Variants in LRRK2 observed in about 807,000 individuals in gnomAD.
LRRK2 encodes leucine-rich repeat serine/threonine-protein kinase 2.
LRRK2 carries 203 observed loss-of-function variants against 302.6 expected under a neutral mutation model. That is an observed-to-expected ratio of 0.67 (90% confidence interval 0.60 to 0.75). The LOEUF is 0.75. Ranked by LOEUF, LRRK2 falls within the 30% of genes least tolerant of loss-of-function variation. LRRK2 has a pLI of 0.00. For synonymous variants in LRRK2, 1,066 were observed against 1,031.9 expected (o/e 1.03, Z -0.63); for missense variants, 2,830 against 2,951.0 (o/e 0.96, Z 0.95).
chr12:40,274,724 C>T lies in LRRK2; in HGVS notation c.1798C>T (p.Gln600Ter). The T allele has an allele frequency of 3.1e-6, 5 of 1,613,942 alleles. No homozygotes were observed. The highest frequency in any genetic ancestry group is 4.2e-6 in the Non-Finnish European group (5 of 1,179,932). The change falls in exon 15 of 51, where the codon CAA (glutamine) becomes TAA (stop). Residue 600 changes from glutamine to a stop codon, truncating the protein, a stop_gained. Coordinates refer to ENST00000298910, the MANE Select transcript of LRRK2 (RefSeq NM_198578.4). LOFTEE classifies it high-confidence loss of function. ...CACACTGCAGATGTATCCAGATGAC[C>T]AAGGTCAGTACAATTTGAATTCAGG... ...LHTLQMYPDD[Q>*]EIQCLGLSLI... is the part of the protein sequence containing the mutation.
chr12:40,257,383 A>G lies in LRRK2; in HGVS notation c.1418+6A>G. 1 of 1,611,954 alleles carries G rather than the reference A, an allele frequency of 6.2e-7. No homozygotes were observed. The highest frequency in any genetic ancestry group is 8.5e-7 in the Non-Finnish European group (1 of 1,178,484). ...AATCATCTTTTTGAAGGAAGGTAATATAGATTCATTAACTTGTACAGAATA... is the reference window on the plus strand; with the variant it reads ...AATCATCTTTTTGAAGGAAGGTAATGTAGATTCATTAACTTGTACAGAATA... On this transcript the variant is annotated splice_donor_region_variant and intron_variant, in intron 12 of 50. Transcript: ENST00000298910.
chr12:40,301,885 A>G (rs1419928208), intron 25 of LRRK2, among the ~76,000 whole-genome samples: 2 of 152,052 alleles, frequency 1.3e-5, no homozygotes, highest in Non-Finnish European at 2.9e-5. Flanking sequence ...CTTCTTAACA[A>G]TTCATAAAGT....
At chr12:40,256,714 AC>A (rs774102595) in intron 11 of LRRK2, among the ~76,000 whole-genome samples, 44 of 152,342 alleles carry the variant, frequency 2.9e-4, no homozygotes, top group South Asian at 1.7e-3. Context: ...GCTGAAAGCA[AC>A]CAAGCCTTTT....
rs775957888 is a variant in LRRK2 at position 40,304,049 on chromosome 12, A to G, written c.3692A>G (p.Gln1231Arg). Residue 1231 changes from glutamine to arginine, a missense_variant, in exon 27 of 51, where the codon CAG (glutamine) becomes CGG (arginine). Physicochemically the swap from Gln to Arg is conservative, Grantham distance 43 (BLOSUM62 1). Transcript: ENST00000298910. ...NLRELLFSHNQISILDLSEKA... is the reference protein window; with the variant it reads ...NLRELLFSHNRISILDLSEKA... ...AGGGAACTCTTATTTAGCCATAATC[A>G]GATCAGCATCTTGGACTTGAGTGAA... The G allele has an allele frequency of 6.2e-7, 1 of 1,613,748 alleles. No individual in the cohort carries two copies. Among genetic ancestry groups the G allele is most frequent in the Non-Finnish European group, 8.5e-7 (1 of 1,179,730 alleles).
chr12:40,315,331 G>T (rs201111536), intron 33 of LRRK2, 31 bp downstream of exon 33: 15 of 1,549,542 alleles, frequency 9.7e-6, no homozygotes, highest in Non-Finnish European at 7.1e-6. Context: ...TGGCACGGGG[G>T]TTATGGTCAA....
intron 5 of LRRK2, among the ~76,000 whole-genome samples, chr12:40,239,909 T>C (rs1941652123): frequency 6.6e-6 from 1 of 152,172 alleles, no homozygotes; most frequent in African/African-American, 2.4e-5. Flanking sequence ...TGTTGCCCAA[T>C]AACAATGACT....
At position 40,226,595 on chromosome 12, in the gene LRRK2, G is replaced by A. The variant is rs17490620; in HGVS notation, c.237+955G>A. On this transcript the variant is annotated intron_variant, in intron 2 of 50. Coordinates refer to ENST00000298910, the MANE Select transcript of LRRK2 (RefSeq NM_198578.4). The stretch of plus-strand genomic sequence containing the variant: ...GTATCTAGTCTGGGTGAACCATCTA[G>A]CTTCTTTGATATGAGGACATTTACA... 3.4e-3 allele frequency among the ~76,000 whole-genome samples: 519 copies of A among 152,204 alleles called. 1 individual carries two copies. Among genetic ancestry groups the A allele is most frequent in the African/African-American group, 0.012 (497 of 41,520 alleles).
intron 14 of LRRK2, among the ~76,000 whole-genome samples, chr12:40,264,768 C>T (rs191679181): frequency 2.0e-5 from 3 of 152,244 alleles, no homozygotes; most frequent in African/African-American, 7.2e-5. Flanking sequence ...CATGTTCCTA[C>T]ATTATAATTA....
rs1945616676 is a variant in LRRK2 at position 40,328,442 on chromosome 12, A to T, written c.5739A>T (p.Ser1913=). 6.2e-7 allele frequency: 1 copy of T among 1,611,608 alleles called. No individual in the cohort carries two copies. Among genetic ancestry groups the T allele is most frequent in the Admixed American group, 1.7e-5 (1 of 60,012 alleles). ...TGAAGATTTTTAATAAACATACATC[A>T]CTCAGGCTGTTAAGACAAGTAAGAA... ...VAVKIFNKHT[S]LRLLRQELVV... Residue 1913 remains serine, a synonymous_variant, in exon 39 of 51, where the codon TCA becomes TCT. Coordinates refer to ENST00000298910, the MANE Select transcript of LRRK2 (RefSeq NM_198578.4).
chr12:40,357,432 G>A (rs75567215), intron 46 of LRRK2, among the ~76,000 whole-genome samples: 2,819 of 152,160 alleles, frequency 0.019, 82 homozygotes, highest in African/African-American at 0.065. Context: ...TTGATATACT[G>A]ATTCCCTTTC....
intron 47 of LRRK2, among the ~76,000 whole-genome samples, chr12:40,360,201 AT>A (rs1946662202): frequency 6.6e-6 from 1 of 152,124 alleles, no homozygotes; most frequent in Non-Finnish European, 1.5e-5. Context: ...TCAAAGAGAT[AT>A]TTGGAGGAGT....
intron 14 of LRRK2, among the ~76,000 whole-genome samples, chr12:40,266,702 C>T (rs1041271197): frequency 6.6e-6 from 1 of 152,082 alleles, no homozygotes; most frequent in Non-Finnish European, 1.5e-5. Flanking sequence ...CACTTGCACA[C>T]CTATGTTTAT....
rs113119253 is a variant in LRRK2, at chr12:40,282,009, G to C, written c.2242-1866G>C. 6.5e-3 allele frequency among the ~76,000 whole-genome samples: 287 copies of C among 44,496 alleles called. 8 individuals are homozygous for C. Among genetic ancestry groups the C allele is most frequent in the African/African-American group, 0.022 (228 of 10,166 alleles). The allele number at this position is 44,496 out of a possible 152,430, so 29.2% of individuals were successfully genotyped here. ...TTTGTGAGTTTTTCCCTCCCTCCCCGCTTCCCTTCCCTTCCCTTCCCTTCC... is the reference window on the plus strand; with the variant it reads ...TTTGTGAGTTTTTCCCTCCCTCCCCCCTTCCCTTCCCTTCCCTTCCCTTCC... On this transcript the variant is annotated intron_variant, in intron 18 of 50. Transcript: ENST00000298910.
At position 40,304,068 on chromosome 12, in the gene LRRK2, G is replaced by T; in HGVS notation, c.3711G>T (p.Leu1237Phe). The T allele has an allele frequency of 1.2e-6, 2 of 1,613,624 alleles. No individual in the cohort carries two copies. Among genetic ancestry groups the T allele is most frequent in the Non-Finnish European group, 1.7e-6 (2 of 1,179,718 alleles). The change falls in exon 27 of 51, where the codon TTG becomes TTT. Residue 1237 changes from leucine to phenylalanine, a missense_variant. Physicochemically the swap from Leu to Phe is conservative, Grantham distance 22. This residue lies in a region of LRRK2 where 2,121 missense variants were observed against 2,148.0 expected (regional missense o/e 0.99). Coordinates refer to ENST00000298910, the MANE Select transcript of LRRK2 (RefSeq NM_198578.4). ...FSHNQISILD[L>F]SEKAYLWSRV... The stretch of plus-strand genomic sequence containing the variant: ...ATAATCAGATCAGCATCTTGGACTT[G>T]AGTGAAAAAGCATATTTATGGTCTA...
chr12:40,262,308 A>G (rs1418989040), intron 13 of LRRK2, among the ~76,000 whole-genome samples: 3 of 152,148 alleles, frequency 2.0e-5, no homozygotes, highest in African/African-American at 7.2e-5. Context: ...TGATTCTAAC[A>G]GCACTCCATG....
chr12:40,292,443 C>A (rs73102738), intron 20 of LRRK2, among the ~76,000 whole-genome samples: 6,167 of 151,838 alleles, frequency 0.041, 182 homozygotes, highest in Middle Eastern at 0.075. Context: ...TTATAAAATG[C>A]ACTATGCTGC....
chr12:40,273,567 G>A (rs1943324174), intron 14 of LRRK2, among the ~76,000 whole-genome samples: 1 of 152,178 alleles, frequency 6.6e-6, no homozygotes, highest in Non-Finnish European at 1.5e-5. Flanking sequence ...GAAGGCAGAA[G>A]ATTTTGGTCA....
rs932642140 is a variant in LRRK2 at position 40,357,704 on chromosome 12, A to AT, written c.6843+1525dup. On this transcript the variant is annotated intron_variant, in intron 46 of 50. Transcript: ENST00000298910. ...TACTGATGATTAGTTAATGTTGAGC[A>AT]TTTTTTTTCATATATCCATTGGCCA... Among the ~76,000 whole-genome samples, 128 of 151,554 alleles carry AT rather than the reference A, an allele frequency of 8.4e-4. 1 individual carries two copies. The highest frequency in any genetic ancestry group is 2.9e-3 in the African/African-American group (120 of 41,262).
chr12:40,304,387 A>G (rs1944736735), intron 27 of LRRK2: 1 of 565,748 alleles, frequency 1.8e-6, no homozygotes, highest in Admixed American at 3.4e-5. Flanking sequence ...TTTAAAAATA[A>G]GGTAGTAGCC....
Sources: allele counts gnomAD v4.1 joint callset (sites outside exome capture counted in the v4.1 genomes callset), GRCh38; gene constraint gnomAD v4.1.1; regional missense constraint gnomAD v4.1.1; transcripts MANE v1.5; gene names NCBI Gene and HGNC (gene_info 2026-07-23, HGNC 2026-07-21).